Variants in LMBR1 observed in about 807,000 individuals in gnomAD.
LMBR1 encodes the protein limb development membrane protein 1.
In LMBR1, 52 loss-of-function variants were observed where a neutral mutation model predicts 73.9. That is an observed-to-expected ratio of 0.70 (90% CI 0.56 to 0.89). The LOEUF is 0.89. Ranked by LOEUF, LMBR1 falls within the 40% of genes least tolerant of loss-of-function variation. The pLI is 0.00. For missense variants in LMBR1, 539 were observed against 579.8 expected (o/e 0.93, Z 0.72); for synonymous variants, 215 against 209.4 (o/e 1.03, Z -0.23).
At chr7:156,841,478 G>C (rs1480793730) in intron 1 of LMBR1, among the ~76,000 whole-genome samples, 2 of 152,120 alleles carry the variant, frequency 1.3e-5, no homozygotes, top group African/African-American at 4.8e-5. Flanking sequence ...TAGAGACCTA[G>C]AGCTCTCAAA....
chr7:156,829,674 A>G (rs1389692619), intron 3 of LMBR1, among the ~76,000 whole-genome samples: 2 of 152,146 alleles, frequency 1.3e-5, no homozygotes, highest in Non-Finnish European at 2.9e-5. Flanking sequence ...GCTTTCTACC[A>G]TGGCCCTGCT....
chr7:156,707,432 A>C (rs753600166), intron 15 of LMBR1, among the ~76,000 whole-genome samples: 2 of 152,164 alleles, frequency 1.3e-5, no homozygotes, highest in African/African-American at 2.4e-5. Context: ...TACACTACAG[A>C]CCAATATCCC....
chr7:156,847,512 C>T (rs1795657595), intron 1 of LMBR1, among the ~76,000 whole-genome samples: 1 of 152,126 alleles, frequency 6.6e-6, no homozygotes, highest in Non-Finnish European at 1.5e-5. Flanking sequence ...GAATCACAGG[C>T]TGGGAGAAAA....
At chr7:156,725,635 T>A (rs1815580863) in intron 13 of LMBR1, 110 bp from the exon 14 acceptor site, 2 of 1,211,276 alleles carry the variant, frequency 1.7e-6, no homozygotes, top group Non-Finnish European at 2.3e-6. Context: ...AAAAGCCGCT[T>A]TAAGTGCTTG....
At chr7:156,833,122 T>G (rs1294982839) in intron 3 of LMBR1, among the ~76,000 whole-genome samples, 5 of 152,208 alleles carry the variant, frequency 3.3e-5, no homozygotes, top group Admixed American at 2.0e-4. Flanking sequence ...AAAAAAAACT[T>G]TGTGTTCTAC....
intron 4 of LMBR1, among the ~76,000 whole-genome samples, chr7:156,797,467 T>C (rs545552103): frequency 3.9e-5 from 6 of 152,242 alleles, no homozygotes; most frequent in Non-Finnish European, 8.8e-5. Context: ...TTTTTGAAAG[T>C]AGGCAACTAA....
At position 156,691,901 on chromosome 7, in the gene LMBR1, A is replaced by G. The variant is rs548212494; in HGVS notation, c.1226-3710T>C. Among the ~76,000 whole-genome samples, 9 of 152,142 alleles carry G rather than the reference A, an allele frequency of 5.9e-5. No homozygotes were observed. In the East Asian group the frequency reaches 7.7e-4, roughly 13 times the overall value. ...TAATATTAGCTAAGACAGTGTTGGG[A>G]AAAAAAAGTGACAAAGAGTATGAAA... On this transcript the variant is annotated intron_variant, in intron 15 of 16. Coordinates refer to ENST00000353442, the MANE Select transcript of LMBR1 (RefSeq NM_022458.4).
Position 156,669,741 on chromosome 7 carries a change from G to C in LMBR1, n.867-454C>G, listed in dbSNP as rs1332001016. On this transcript the variant is annotated intron_variant and non_coding_transcript_variant, in intron 4 of 4. Coordinates refer to the LMBR1 transcript ENST00000430825. The surrounding 1 kb of genome is among the most constrained non-coding windows in gnomAD (Gnocchi z 4.2). ...CAGGGCTGGGACTCCCAGGGAGAAGGGGCCATGGCTGGGCCCCTCCAGCAC... is the reference window on the plus strand; with the variant it reads ...CAGGGCTGGGACTCCCAGGGAGAAGCGGCCATGGCTGGGCCCCTCCAGCAC... 2.0e-5 allele frequency among the ~76,000 whole-genome samples: 3 copies of C among 152,218 alleles called. No homozygotes were observed. Among genetic ancestry groups the C allele is most frequent in the Non-Finnish European group, 4.4e-5 (3 of 68,038 alleles).
chr7:156,862,320 G>A (rs1173535323), intron 1 of LMBR1, among the ~76,000 whole-genome samples: 3 of 151,964 alleles, frequency 2.0e-5, no homozygotes, highest in Non-Finnish European at 4.4e-5. Flanking sequence ...GAACAGCAGG[G>A]GAAAGACCTA....
chr7:156,876,884 A>T (rs1179221635), intron 1 of LMBR1, among the ~76,000 whole-genome samples: 2 of 152,160 alleles, frequency 1.3e-5, no homozygotes, highest in Non-Finnish European at 2.9e-5. Context: ...GAGCACAAAT[A>T]GACAATCTAA....
Position 156,853,959 on chromosome 7 carries a change from T to C in LMBR1, c.67-17074A>G, listed in dbSNP as rs528657082. Reference sequence around the variant, plus strand: ...CATGTGCCATCGTGCCTGGCCCACATAGAATAAAATTAAAAAAAAAAAAAA... The same window carrying C: ...CATGTGCCATCGTGCCTGGCCCACACAGAATAAAATTAAAAAAAAAAAAAA... On this transcript the variant is annotated intron_variant, in intron 1 of 16. Transcript: ENST00000353442. 1.3e-3 allele frequency among the ~76,000 whole-genome samples: 165 copies of C among 129,856 alleles called. 3 individuals are homozygous for C. Among genetic ancestry groups the C allele is most frequent in the Admixed American group, 4.1e-3 (49 of 12,088 alleles). 85.2% of individuals were successfully genotyped at this position (129,856 alleles called of 152,430 possible).
chr7:156,761,920 T>G (rs1823084760), intron 8 of LMBR1, among the ~76,000 whole-genome samples: 1 of 143,392 alleles, frequency 7.0e-6, no homozygotes, highest in Non-Finnish European at 1.5e-5. Flanking sequence ...GAGCCTGCAG[T>G]GAGCCGAGAT....
chr7:156,771,032 G>C (rs1585683000), intron 5 of LMBR1, among the ~76,000 whole-genome samples: 1 of 152,048 alleles, frequency 6.6e-6, no homozygotes, highest in African/African-American at 2.4e-5. Flanking sequence ...TCTGATAAAT[G>C]TCTGGCTAGA....
intron 1 of LMBR1, among the ~76,000 whole-genome samples, chr7:156,871,351 T>TG (rs1468294546): frequency 2.0e-5 from 3 of 152,236 alleles, no homozygotes; most frequent in Non-Finnish European, 4.4e-5. Context: ...CATTGATGAA[T>TG]GCTACCAAAC....
intron 5 of LMBR1, among the ~76,000 whole-genome samples, chr7:156,783,869 C>T (rs1267319446): frequency 6.6e-6 from 1 of 152,184 alleles, no homozygotes; most frequent in Non-Finnish European, 1.5e-5. Flanking sequence ...AGCTCATCAA[C>T]TTCATCATCA....
intron 1 of LMBR1, among the ~76,000 whole-genome samples, chr7:156,891,117 G>C (rs866154111): frequency 2.0e-5 from 3 of 148,412 alleles, no homozygotes; most frequent in African/African-American, 7.5e-5. Flanking sequence ...CTTGAATCCC[G>C]GAGGCAGAGG....
At chr7:156,850,222 C>T (rs905065854) in intron 1 of LMBR1, among the ~76,000 whole-genome samples, 7 of 152,074 alleles carry the variant, frequency 4.6e-5, no homozygotes, top group Non-Finnish European at 1.0e-4. Context: ...AAGTCTGGCC[C>T]CCTTCTTGCC....
intron 1 of LMBR1, among the ~76,000 whole-genome samples, chr7:156,892,145 A>G (rs1435366828): frequency 1.3e-5 from 2 of 152,258 alleles, no homozygotes; most frequent in Non-Finnish European, 2.9e-5. Flanking sequence ...AACAGCACAC[A>G]TGGAACATGG....
chr7:156,833,710 C>T lies in LMBR1; in HGVS notation c.179+43G>A, dbSNP rs10253387. 88,049 of 1,474,872 alleles carry T rather than the reference C, an allele frequency of 0.06. 2,962 individuals are homozygous for T. Among genetic ancestry groups the T allele is most frequent in the East Asian group, 0.14 (6,145 of 43,588 alleles). The allele number at this position is 1,474,872 out of a possible 1,614,324, so 91.4% of individuals were successfully genotyped here. On this transcript the variant is annotated intron_variant, in intron 3 of 16. Coordinates refer to ENST00000353442, the MANE Select transcript of LMBR1 (RefSeq NM_022458.4). ...AGAATTGGATTTTGAGAATTGATGA[C>T]TTCAGAATCAGAAACAGAACAACTG...
Sources: gnomAD v4.1 joint callset for allele counts (sites outside exome capture counted in the v4.1 genomes callset) on GRCh38, gnomAD v4.1.1 for gene constraint, Gnocchi (gnomAD v3.1) non-coding constraint, MANE v1.5 for transcripts, NCBI Gene and HGNC (gene_info 2026-07-23, HGNC 2026-07-21) for gene names.